The following MAPKAP1 variants were observed in gnomAD, a reference collection of about 807,000 sequenced individuals.
MAPKAP1 encodes the protein MAPK associated protein 1.
A neutral mutation model predicts 65.7 loss-of-function variants in MAPKAP1; 20 were observed. The observed-to-expected ratio is 0.30, with a 90% CI of 0.21 to 0.44. MAPKAP1 has a LOEUF of 0.44. Ranked by LOEUF, MAPKAP1 falls within the 20% of genes least tolerant of loss-of-function variation. MAPKAP1 has a pLI of 1.00. For missense variants in MAPKAP1, 423 were observed against 648.0 expected, an observed-to-expected ratio of 0.65 and a Z score of 3.77; for synonymous variants, 222 against 244.3, an observed-to-expected ratio of 0.91 and a Z score of 0.85.
intron 10 of MAPKAP1, 110 bp downstream of exon 10, chr9:125,467,862 G>T: frequency 8.2e-7 from 1 of 1,216,372 alleles, no homozygotes; most frequent in Non-Finnish European, 1.2e-6. Context: ...AATTAAAACA[G>T]ACCCAAGGAA....
rs1033439624 is a variant in MAPKAP1, at chr9:125,682,558, G to T, written c.-69-9915C>A. Among the ~76,000 whole-genome samples, 19 of 152,202 alleles carry T rather than the reference G, an allele frequency of 1.2e-4. 1 individual carries two copies. ...TCCAGCTGTTACAAGAAATCTGCCA[G>T]TTCGGTATAATGTGGCCCCTAAATT... On this transcript the variant is annotated intron_variant, in intron 1 of 11. Transcript: ENST00000265960.
intron 10 of MAPKAP1, among the ~76,000 whole-genome samples, chr9:125,467,770 A>G (rs2132990058): frequency 6.6e-6 from 1 of 152,334 alleles, no homozygotes; most frequent in African/African-American, 2.4e-5. Context: ...TGCAGCCATC[A>G]AGACCGAACA....
rs66544686 is a variant in MAPKAP1, at chr9:125,563,731, T to A, written c.672-3922A>T. On this transcript the variant is annotated intron_variant, in intron 5 of 11. Coordinates refer to ENST00000265960, the MANE Select transcript of MAPKAP1 (RefSeq NM_001006617.3). ...TATTATTATTATTATTATTATTATTTTTGAGATGGAGTCTTGCTCTTGTCA... is the reference window on the plus strand; with the variant it reads ...TATTATTATTATTATTATTATTATTATTGAGATGGAGTCTTGCTCTTGTCA... Among the ~76,000 whole-genome samples, 435 of 144,956 alleles carry A rather than the reference T, an allele frequency of 3.0e-3. 1 individual carries two copies. Among genetic ancestry groups the A allele is most frequent in the Non-Finnish European group, 4.9e-3 (316 of 64,818 alleles).
At chr9:125,598,332 T>A (rs1381648521) in intron 4 of MAPKAP1, among the ~76,000 whole-genome samples, 2 of 152,322 alleles carry the variant, frequency 1.3e-5, no homozygotes, top group African/African-American at 4.8e-5. Flanking sequence ...GTACCTGTAG[T>A]CAAATTAATT....
chr9:125,694,029 A>AT (rs1166432911), intron 1 of MAPKAP1, among the ~76,000 whole-genome samples: 3 of 151,912 alleles, frequency 2.0e-5, no homozygotes, highest in Non-Finnish European at 4.4e-5. Flanking sequence ...TTTTTTTTTA[A>AT]TTTTTAAAAA....
rs146400511 is a variant in MAPKAP1 at position 125,579,716 on chromosome 9, G to A, written c.671+5839C>T. ...GCTCTTTCACAGGGCCAACCCACTG[G>A]AAAAGACCAAATAAGGATCTATTCC... is the stretch of plus-strand genomic sequence containing the variant. On this transcript the variant is annotated intron_variant, in intron 5 of 11. Transcript: ENST00000265960. Among the ~76,000 whole-genome samples the A allele has an allele frequency of 1.2e-3, 184 of 152,212 alleles. 2 individuals carry two copies. In the East Asian group the frequency reaches 0.022, roughly 18 times the overall value.
chr9:125,520,099 T>G (rs940513192), intron 7 of MAPKAP1, among the ~76,000 whole-genome samples: 1 of 152,228 alleles, frequency 6.6e-6, no homozygotes, highest in Non-Finnish European at 1.5e-5. Context: ...TGTTATGTAA[T>G]CCTGGGTAAG....
At chr9:125,480,768 C>T (rs527417550) in intron 9 of MAPKAP1, among the ~76,000 whole-genome samples, 9 of 151,362 alleles carry the variant, frequency 5.9e-5, no homozygotes, top group South Asian at 2.1e-4. Flanking sequence ...GTCAGGAGAT[C>T]GAGACCATCC....
intron 5 of MAPKAP1, among the ~76,000 whole-genome samples, chr9:125,575,745 A>G (rs977669611): frequency 6.6e-6 from 1 of 152,198 alleles, no homozygotes; most frequent in African/African-American, 2.4e-5. Context: ...CTCATTCCTC[A>G]CTGGTGGGAA....
chr9:125,440,481 C>A (rs1852438908), intron 11 of MAPKAP1, among the ~76,000 whole-genome samples: 1 of 152,182 alleles, frequency 6.6e-6, no homozygotes, highest in African/African-American at 2.4e-5. Context: ...ATATTTCTGA[C>A]AAGAGAGGCC....
intron 7 of MAPKAP1, among the ~76,000 whole-genome samples, chr9:125,515,854 T>A (rs1436580378): frequency 6.6e-6 from 1 of 152,156 alleles, no homozygotes; most frequent in African/African-American, 2.4e-5. Context: ...AACAGTGCCA[T>A]CATGGAAGCA....
At chr9:125,465,606 G>A (rs1448264807) in intron 10 of MAPKAP1, among the ~76,000 whole-genome samples, 2 of 152,200 alleles carry the variant, frequency 1.3e-5, no homozygotes, top group Non-Finnish European at 2.9e-5. Flanking sequence ...TCTGGCTTCA[G>A]TAAGTTCAGT....
chr9:125,636,403 C>CAT (rs1369582744), intron 4 of MAPKAP1, among the ~76,000 whole-genome samples: 1 of 152,172 alleles, frequency 6.6e-6, no homozygotes, highest in Non-Finnish European at 1.5e-5. Context: ...AAAGCTAACG[C>CAT]ATATATATCA....
intron 9 of MAPKAP1, among the ~76,000 whole-genome samples, chr9:125,478,647 T>C (rs1015469661): frequency 1.3e-5 from 2 of 152,192 alleles, no homozygotes; most frequent in Non-Finnish European, 2.9e-5. Context: ...GAATTATTAA[T>C]GACACCTGTG....
intron 7 of MAPKAP1, among the ~76,000 whole-genome samples, chr9:125,529,184 A>AG (rs2133134489): frequency 6.6e-6 from 1 of 151,368 alleles, no homozygotes; most frequent in African/African-American, 2.4e-5. Context: ...CAGGAAAAAA[A>AG]AAAAAAAAAA....
At chr9:125,686,697 C>T (rs1203743351) in intron 1 of MAPKAP1, among the ~76,000 whole-genome samples, 5 of 152,218 alleles carry the variant, frequency 3.3e-5, no homozygotes, top group Non-Finnish European at 5.9e-5. Context: ...AATTCAAACT[C>T]AGAGGTACGA....
intron 5 of MAPKAP1, among the ~76,000 whole-genome samples, chr9:125,572,070 A>G (rs1159941490): frequency 6.6e-6 from 1 of 152,220 alleles, no homozygotes; most frequent in Non-Finnish European, 1.5e-5. Flanking sequence ...ATGGCAATAT[A>G]GTTATTTGCA....
intron 10 of MAPKAP1, among the ~76,000 whole-genome samples, chr9:125,466,404 A>G (rs1306239296): frequency 6.6e-6 from 1 of 152,166 alleles, no homozygotes; most frequent in East Asian, 1.9e-4. Context: ...TGTTAAGGAA[A>G]AAACCTGAAT....
rs1010636307 is a variant in MAPKAP1 at position 125,439,606 on chromosome 9, G to T, written c.1444-594C>A. Among the ~76,000 whole-genome samples, 1 of 152,232 alleles carries T rather than the reference G, an allele frequency of 6.6e-6. No individual in the cohort carries two copies. Among genetic ancestry groups the T allele is most frequent in the Non-Finnish European group, 1.5e-5 (1 of 68,042 alleles). ...GCCTAGGCCACGTGGAAGTCAGGGT[G>T]AGAGCTGTGAGGGGGCTGAAAGAGC... On this transcript the variant is annotated intron_variant, in intron 11 of 11. Transcript: ENST00000265960. This position sits in a 1 kb window ranked among gnomAD's most constrained non-coding sequence, Gnocchi z 4.0.
Sources: allele counts gnomAD v4.1 joint callset (sites outside exome capture counted in the v4.1 genomes callset), GRCh38; gene constraint gnomAD v4.1.1; non-coding constraint Gnocchi (gnomAD v3.1); transcripts MANE v1.5; gene names NCBI Gene and HGNC (gene_info 2026-07-23, HGNC 2026-07-21).